Variants in GTF3C3 observed in about 807,000 individuals in gnomAD.
The protein encoded by GTF3C3 is general transcription factor IIIC subunit 3, also known as general transcription factor 3C polypeptide 3.
Under a neutral mutation model 105.2 loss-of-function variants are expected in GTF3C3, and 75 were observed. The observed-to-expected ratio is 0.71, with a 90% CI of 0.59 to 0.86. GTF3C3 has a LOEUF of 0.86. GTF3C3 is among the 40% of genes least tolerant of loss of function. The pLI is 0.00. For missense variants in GTF3C3, 856 were observed against 1,076.5 expected (o/e 0.80, Z 2.87); for synonymous variants, 335 against 370.4 (o/e 0.90, Z 1.10).
chr2:196,796,874 C>T (rs1260780307), intron 2 of GTF3C3, among the ~76,000 whole-genome samples: 1 of 152,172 alleles, frequency 6.6e-6, no homozygotes, highest in Non-Finnish European at 1.5e-5. Flanking sequence ...GCTGCCTTTT[C>T]CACCCCACTT....
At chr2:196,797,523 A>G (rs1699667649) in intron 2 of GTF3C3, among the ~76,000 whole-genome samples, 1 of 152,240 alleles carries the variant, frequency 6.6e-6, no homozygotes, top group East Asian at 1.9e-4. Context: ...GAGAGGGCCA[A>G]TTTAAAAAAT....
chr2:196,780,916 T>A, intron 8 of GTF3C3: 1 of 297,784 alleles, frequency 3.4e-6, no homozygotes, highest in African/African-American at 2.1e-5. Context: ...TACGGAGAAC[T>A]AAAAAGACAA....
chr2:196,784,920 C>T lies in GTF3C3; in HGVS notation c.1051G>A (p.Asp351Asn). ...QYDKALEIIT[D>N]FSGIVLEKKT... ...TTTTCCAGCACAATTCCAGAAAAAT[C>T]TGTAATTATCTAAAAGAATGGGAAA... The change falls in exon 8 of 18, where the codon GAT becomes AAT. Residue 351 changes from aspartate to asparagine, a missense_variant. Asp to Asn is a conservative substitution (Grantham distance 23). Transcript: ENST00000263956. The T allele has an allele frequency of 6.3e-7, 1 of 1,593,206 alleles. No homozygotes were observed. The highest frequency in any genetic ancestry group is 8.6e-7 in the Non-Finnish European group (1 of 1,163,124).
chr2:196,764,472 C>CTATT lies in GTF3C3; in HGVS notation c.*87_*90dup. ...TTAGGTAATTCTGAAATTGTCATTTCTATTTTGGAGTTACAAATAATAAGC... is the reference window on the plus strand; with the variant it reads ...TTAGGTAATTCTGAAATTGTCATTTCTATTTATTTTGGAGTTACAAATAATAAGC... On this transcript the variant is annotated 3_prime_UTR_variant, in exon 18 of 18. Transcript: ENST00000263956. 8.8e-7 allele frequency: 1 copy of CTATT among 1,131,238 alleles called. No individual in the cohort carries two copies. Among genetic ancestry groups the CTATT allele is most frequent in the Non-Finnish European group, 1.2e-6 (1 of 818,014 alleles). The allele number at this position is 1,131,238 out of a possible 1,614,324, so 70.1% of individuals were successfully genotyped here. A position where few individuals can be genotyped will look rare whatever the true frequency, so the allele number is the denominator to read the frequency against.
chr2:196,796,822 T>G (rs1365633953), intron 2 of GTF3C3, among the ~76,000 whole-genome samples: 3 of 152,168 alleles, frequency 2.0e-5, no homozygotes, highest in Admixed American at 2.0e-4. Context: ...TCCAACTCCA[T>G]CCATGTCCCT....
At chr2:196,764,885 G>GTAATT (rs982478755) in intron 17 of GTF3C3, among the ~76,000 whole-genome samples, 200 bp from the exon 18 acceptor site, 10 of 152,104 alleles carry the variant, frequency 6.6e-5, no homozygotes, top group South Asian at 4.1e-4. Flanking sequence ...TATTTTAACA[G>GTAATT]TAATTTAAAG....
intron 1 of GTF3C3, 79 bp from the exon 2 acceptor site, chr2:196,797,987 G>T: frequency 1.2e-6 from 1 of 846,940 alleles, no homozygotes; most frequent in Non-Finnish European, 2.0e-6. Flanking sequence ...TCTGGTTCTA[G>T]TCCTAGCTTT....
At chr2:196,784,966 G>A (rs534147158) in intron 7 of GTF3C3, 37 bp from the exon 8 acceptor site, 2 of 1,366,888 alleles carry the variant, frequency 1.5e-6, no homozygotes, top group East Asian at 2.3e-5. Flanking sequence ...AATAAAATAT[G>A]TGTGAAAAAC....
intron 12 of GTF3C3, among the ~76,000 whole-genome samples, chr2:196,775,780 T>G (rs1576021896): frequency 6.6e-6 from 1 of 152,344 alleles, no homozygotes; most frequent in Non-Finnish European, 1.5e-5. Context: ...TGATAGACCA[T>G]GGTGCTCACT....
intron 15 of GTF3C3, 52 bp from the exon 16 acceptor site, chr2:196,770,091 T>C (rs1377056713): frequency 1.4e-6 from 2 of 1,433,510 alleles, no homozygotes; most frequent in African/African-American, 1.5e-5. Flanking sequence ...GAGTTATTTA[T>C]TTCTTCAACA....
chr2:196,797,127 C>T (rs1699660771), intron 2 of GTF3C3, among the ~76,000 whole-genome samples: 1 of 152,226 alleles, frequency 6.6e-6, no homozygotes, highest in East Asian at 1.9e-4. Context: ...GACAGTTTAG[C>T]ATCCCAGTTA....
intron 2 of GTF3C3, among the ~76,000 whole-genome samples, chr2:196,795,803 T>C (rs534501704): frequency 2.0e-5 from 3 of 152,168 alleles, no homozygotes; most frequent in South Asian, 4.2e-4. Context: ...GCCAATGTAA[T>C]AAGAAACAAA....
At chr2:196,766,435 A>G (rs1377573270) in intron 17 of GTF3C3, 130 bp downstream of exon 17, 4 of 664,374 alleles carry the variant, frequency 6.0e-6, no homozygotes, top group South Asian at 2.7e-5. Context: ...GAACATAATT[A>G]CGTAAACATA....
chr2:196,768,502 A>G (rs1218389032), intron 16 of GTF3C3, among the ~76,000 whole-genome samples: 1 of 152,224 alleles, frequency 6.6e-6, no homozygotes, highest in Non-Finnish European at 1.5e-5. Flanking sequence ...GGTAAGAAAG[A>G]TAATAAACCA....
intron 12 of GTF3C3, among the ~76,000 whole-genome samples, chr2:196,775,665 T>C (rs1216120618): frequency 6.6e-6 from 1 of 152,182 alleles, no homozygotes; most frequent in African/African-American, 2.4e-5. Flanking sequence ...CCCACAGAGC[T>C]ACCTCCCTGC....
At chr2:196,767,978 G>A (rs1202136279) in intron 16 of GTF3C3, among the ~76,000 whole-genome samples, 1 of 152,192 alleles carries the variant, frequency 6.6e-6, no homozygotes, top group East Asian at 1.9e-4. Flanking sequence ...TGTAGGTACT[G>A]TGAATTATCA....
intron 2 of GTF3C3, among the ~76,000 whole-genome samples, chr2:196,794,453 TG>T (rs769850169): frequency 4.6e-5 from 7 of 152,182 alleles, no homozygotes; most frequent in African/African-American, 7.2e-5. Context: ...ATGTATTTTT[TG>T]AGATGAAGTT....
chr2:196,789,175 CA>C, intron 6 of GTF3C3, 28 bp downstream of exon 6: 1 of 1,539,448 alleles, frequency 6.5e-7, no homozygotes, highest in Non-Finnish European at 8.8e-7. Flanking sequence ...TTAACAGGAG[CA>C]AGTAGATCTG....
chr2:196,781,974 C>T (rs1320976422), intron 8 of GTF3C3, among the ~76,000 whole-genome samples: 1 of 152,202 alleles, frequency 6.6e-6, no homozygotes, highest in Non-Finnish European at 1.5e-5. Flanking sequence ...TTACTAAAAT[C>T]TGATTCTATC....
Sources: allele counts gnomAD v4.1 joint callset (sites outside exome capture counted in the v4.1 genomes callset), GRCh38; gene constraint gnomAD v4.1.1; transcripts MANE v1.5; gene names NCBI Gene and HGNC (gene_info 2026-07-23, HGNC 2026-07-21).